COL23A1: variants seen among roughly 807,000 people sequenced by gnomAD.
COL23A1 encodes the protein collagen type XXIII alpha 1 chain, also known as collagen alpha-1(XXIII) chain.
Under a neutral mutation model 99.3 loss-of-function variants are expected in COL23A1, and 97 were observed. The ratio of observed to expected loss-of-function variants is 0.98; its 90% confidence interval spans 0.83 to 1.16. The LOEUF is 1.16. Among genes scored for constraint, COL23A1 ranks in the 50% most tolerant of loss-of-function variants. COL23A1 has a pLI of 0.00. For synonymous variants in COL23A1, 320 were observed against 308.2 expected, an observed-to-expected ratio of 1.04 and a Z score of -0.40; for missense variants, 762 against 757.4, an observed-to-expected ratio of 1.01 and a Z score of -0.07.
rs1760893218 is a variant in COL23A1 at position 178,345,219 on chromosome 5, T to C, written c.362-38300A>G. The C allele has an allele frequency of 3.5e-6, 3 of 855,722 alleles. No individual in the cohort carries two copies. The Admixed American group carries it at 5.5e-5, about 16-fold the overall frequency. 53.0% of individuals were successfully genotyped at this position (855,722 alleles called of 1,614,324 possible). The stretch of plus-strand genomic sequence containing the variant: ...CACCAGATGTGCGGGGTTAGAGATG[T>C]TCTTGATTTCTATAATGTCCCTATT... On this transcript the variant is annotated intron_variant, in intron 2 of 28. Transcript: ENST00000390654.
chr5:178,434,416 G>A lies in COL23A1; in HGVS notation c.361+126266C>T, dbSNP rs1462522119. ...CACGGTGGCCTCGGGCAAAATGCCT[G>A]GACCAGGACTTGGACATTGGGCGGC... On this transcript the variant is annotated intron_variant, in intron 2 of 28. Transcript: ENST00000390654. This position sits in a 1 kb window ranked among gnomAD's most constrained non-coding sequence, Gnocchi z 4.3. Among the ~76,000 whole-genome samples the A allele has an allele frequency of 6.6e-6, 1 of 152,262 alleles. No individual in the cohort carries two copies. Among genetic ancestry groups the A allele is most frequent in the Non-Finnish European group, 1.5e-5 (1 of 68,048 alleles).
At chr5:178,568,848 T>C (rs539117925) in intron 1 of COL23A1, among the ~76,000 whole-genome samples, 7 of 152,380 alleles carry the variant, frequency 4.6e-5, no homozygotes, top group African/African-American at 1.7e-4. Flanking sequence ...ATCTGGGCAC[T>C]TTCCACCTTT....
chr5:178,436,189 G>T (rs1452808513), intron 2 of COL23A1, among the ~76,000 whole-genome samples: 3 of 152,178 alleles, frequency 2.0e-5, no homozygotes, highest in Non-Finnish European at 2.9e-5. Context: ...AAAAGTTGGG[G>T]GTGAGGTAGC....
chr5:178,358,310 G>GTGTGTA (rs201167068), intron 2 of COL23A1, among the ~76,000 whole-genome samples: 2 of 148,600 alleles, frequency 1.3e-5, no homozygotes, highest in South Asian at 2.2e-4. Flanking sequence ...GTATGTATGT[G>GTGTGTA]TGTGTATGTG....
intron 2 of COL23A1, among the ~76,000 whole-genome samples, chr5:178,547,573 A>G (rs1562076684): frequency 2.6e-5 from 1 of 39,096 alleles, no homozygotes; most frequent in East Asian, 8.9e-4. Flanking sequence ...CCCCACACAC[A>G]CCTACACCCA....
At chr5:178,316,995 A>G (rs1399192508) in intron 2 of COL23A1, among the ~76,000 whole-genome samples, 2 of 152,198 alleles carry the variant, frequency 1.3e-5, no homozygotes, top group Non-Finnish European at 2.9e-5. Flanking sequence ...CTTATCTCAT[A>G]GTTTTGTTAT....
intron 1 of COL23A1, among the ~76,000 whole-genome samples, chr5:178,582,681 C>T (rs941404494): frequency 2.6e-5 from 4 of 152,162 alleles, no homozygotes; most frequent in Admixed American, 2.0e-4. Context: ...TTTCCTCTTC[C>T]AGACTCCGCC....
At chr5:178,247,865 C>A in intron 20 of COL23A1, 34 bp from the exon 21 acceptor site, 2 of 1,586,148 alleles carry the variant, frequency 1.3e-6, no homozygotes, top group South Asian at 1.1e-5. Context: ...AGTCACCCAC[C>A]GCCTGTCACC....
chr5:178,583,221 C>A (rs1581682699), intron 1 of COL23A1, among the ~76,000 whole-genome samples: 1 of 152,292 alleles, frequency 6.6e-6, no homozygotes, highest in South Asian at 2.1e-4. Context: ...GTACATAAAC[C>A]CCTAGAGAAC....
chr5:178,263,556 G>A (rs888128994), intron 8 of COL23A1, among the ~76,000 whole-genome samples: 9 of 152,232 alleles, frequency 5.9e-5, no homozygotes, highest in African/African-American at 2.2e-4. Context: ...GCCAAGGAAT[G>A]TGCCAGCTCT....
At chr5:178,444,171 C>T (rs570649848) in intron 2 of COL23A1, among the ~76,000 whole-genome samples, 1 of 151,994 alleles carries the variant, frequency 6.6e-6, no homozygotes, top group South Asian at 2.1e-4. Context: ...GCACCACGGC[C>T]GGGGTTACAG....
intron 2 of COL23A1, among the ~76,000 whole-genome samples, chr5:178,534,590 C>T (rs938280260): frequency 1.3e-5 from 2 of 152,102 alleles, no homozygotes; most frequent in East Asian, 1.9e-4. Flanking sequence ...ACCAGCTTGA[C>T]CAACATGGTG....
At chr5:178,552,265 A>G (rs1310574628) in intron 2 of COL23A1, among the ~76,000 whole-genome samples, 1 of 152,180 alleles carries the variant, frequency 6.6e-6, no homozygotes. Context: ...TAGCTCCCCC[A>G]GGACCAGCAC....
At chr5:178,242,428 G>A (rs1448749298) in intron 25 of COL23A1, 34 bp from the exon 26 acceptor site, 4 of 1,609,716 alleles carry the variant, frequency 2.5e-6, no homozygotes, top group Non-Finnish European at 2.5e-6. Context: ...ACCCGAAAAT[G>A]AGGCTGGAGG....
At position 178,584,342 on chromosome 5, in the gene COL23A1, A is replaced by ACACC. The variant is rs761980992; in HGVS notation, c.294+5561_294+5562insGGTG. Among the ~76,000 whole-genome samples the ACACC allele has an allele frequency of 5.7e-4, 85 of 149,012 alleles. No homozygotes were observed. In the South Asian group the frequency reaches 6.4e-3, roughly 11 times the overall value. On this transcript the variant is annotated intron_variant, in intron 1 of 28. Coordinates refer to ENST00000390654, the MANE Select transcript of COL23A1 (RefSeq NM_173465.4). ...CACACACACACACACACACACACAC[A>ACACC]CCTAGAAATAAATACATATAAATTT...
chr5:178,556,505 C>A (rs1762280429), intron 2 of COL23A1, among the ~76,000 whole-genome samples: 1 of 151,412 alleles, frequency 6.6e-6, no homozygotes, highest in Admixed American at 6.6e-5. Context: ...CATCTGTAGT[C>A]CCAGCTACTT....
At chr5:178,555,730 G>A (rs1039049499) in intron 2 of COL23A1, among the ~76,000 whole-genome samples, 11 of 152,288 alleles carry the variant, frequency 7.2e-5, no homozygotes, top group East Asian at 1.9e-4. Flanking sequence ...TTTACAAGGC[G>A]GAGTCAAGAC....
At chr5:178,304,883 A>C (rs1331110056) in intron 3 of COL23A1, among the ~76,000 whole-genome samples, 1 of 152,214 alleles carries the variant, frequency 6.6e-6, no homozygotes, top group African/African-American at 2.4e-5. Flanking sequence ...GCATGAGATA[A>C]AGGACTTGAA....
chr5:178,550,089 T>C (rs1761923053), intron 2 of COL23A1, among the ~76,000 whole-genome samples: 2 of 152,340 alleles, frequency 1.3e-5, no homozygotes, highest in African/African-American at 2.4e-5. Flanking sequence ...TGTGCAAATA[T>C]ATCATTTCTG....
Sources: gnomAD v4.1 joint callset for allele counts (sites outside exome capture counted in the v4.1 genomes callset) on GRCh38, gnomAD v4.1.1 for gene constraint, Gnocchi (gnomAD v3.1) non-coding constraint, MANE v1.5 for transcripts, NCBI Gene and HGNC (gene_info 2026-07-23, HGNC 2026-07-21) for gene names.